The following LACTB variants were observed in gnomAD, a reference collection of about 807,000 sequenced individuals.
LACTB encodes lactamase beta, also known as serine beta-lactamase-like protein LACTB, mitochondrial.
A neutral mutation model predicts 50.2 loss-of-function variants in LACTB; 35 were observed. The ratio of observed to expected loss-of-function variants is 0.70; its 90% CI spans 0.53 to 0.92. The LOEUF (loss-of-function observed/expected upper bound fraction) is 0.92. Ranked by LOEUF, LACTB falls within the 40% of genes least tolerant of loss-of-function variation. LACTB has a pLI of 0.00. For synonymous variants in LACTB, 252 were observed against 268.2 expected (o/e 0.94, Z 0.59); for missense variants, 664 against 691.8 (o/e 0.96, Z 0.45).
At chr15:63,140,900 A>T in intron 5 of LACTB, 1 of 549,942 alleles carries the variant, frequency 1.8e-6, no homozygotes, top group Non-Finnish European at 2.3e-6. Context: ...GCACGATGCA[A>T]CATTAACCCC....
intron 5 of LACTB, 119 bp downstream of exon 5, chr15:63,129,769 T>G (rs2037105465): frequency 1.5e-6 from 2 of 1,307,812 alleles, no homozygotes; most frequent in South Asian, 2.4e-5. Flanking sequence ...TTGGGAGCTT[T>G]TCTACATGTC....
intron 4 of LACTB, among the ~76,000 whole-genome samples, chr15:63,128,923 A>G (rs994225908): frequency 2.2e-4 from 34 of 151,974 alleles, no homozygotes; most frequent in African/African-American, 8.2e-4. Context: ...TTTGTATTTT[A>G]GTAGAGACAG....
intron 2 of LACTB, among the ~76,000 whole-genome samples, chr15:63,124,695 G>A (rs2037025073): frequency 6.6e-6 from 1 of 152,180 alleles, no homozygotes; most frequent in African/African-American, 2.4e-5. Flanking sequence ...GCTCACGCCT[G>A]TAATCCTAGC....
chr15:63,122,335 C>T (rs577706127), intron 1 of LACTB, 107 bp downstream of exon 1: 67 of 977,976 alleles, frequency 6.9e-5, no homozygotes, highest in Non-Finnish European at 9.2e-5. Context: ...TGCCCGCGAT[C>T]GGCTTCCGAG....
rs1324631782 is a variant in LACTB at position 63,122,149 on chromosome 15, C to T, written c.278C>T (p.Pro93Leu). 1.3e-6 allele frequency: 2 copies of T among 1,511,502 alleles called. No individual in the cohort carries two copies. The highest frequency in any genetic ancestry group is 1.2e-5 in the South Asian group (1 of 82,442). 93.6% of individuals were successfully genotyped at this position (1,511,502 alleles called of 1,614,324 possible). A position where few individuals can be genotyped will look rare whatever the true frequency, so the allele number is the denominator to read the frequency against. The change falls in exon 1 of 6, where the codon CCG becomes CTG. Residue 93 changes from proline to leucine, a missense_variant. Coordinates refer to ENST00000261893, the MANE Select transcript of LACTB (RefSeq NM_032857.5). ...PQEQSLAPWS[P>L]QTPAPPCSRC... ...GAGCAGTCCCTCGCCCCGTGGTCTC[C>T]GCAGACCCCGGCGCCGCCCTGCTCC...
At chr15:63,141,145 G>A (rs2037224385) in intron 5 of LACTB, 135 bp from the exon 6 acceptor site, 15 of 1,431,900 alleles carry the variant, frequency 1.0e-5, no homozygotes, top group Non-Finnish European at 1.3e-5. Flanking sequence ...GAAAATTAGT[G>A]GTTAGTTTAT....
At chr15:63,135,757 T>TA (rs1224395272) in intron 5 of LACTB, among the ~76,000 whole-genome samples, 2 of 152,116 alleles carry the variant, frequency 1.3e-5, no homozygotes, top group Non-Finnish European at 2.9e-5. Flanking sequence ...CAGTTGAATC[T>TA]AAAAAAAGAT....
At position 63,130,483 on chromosome 15, in the gene LACTB, G is replaced by A. The variant is rs139120249; in HGVS notation, c.1118+833G>A. 6.1e-3 allele frequency: 914 copies of A among 150,606 alleles called. 9 individuals are homozygous for A. Among genetic ancestry groups the A allele is most frequent in the African/African-American group, 0.021 (840 of 40,922 alleles). The allele number at this position is 150,606 out of a possible 1,614,324, so 9.3% of individuals were successfully genotyped here. ...AGATCGTGCCCCTGCACTTCAGGCTGGGCGAAAGAGTGAGACTCCATGTCA... is the reference window on the plus strand; with the variant it reads ...AGATCGTGCCCCTGCACTTCAGGCTAGGCGAAAGAGTGAGACTCCATGTCA... On this transcript the variant is annotated intron_variant, in intron 5 of 5. Transcript: ENST00000261893.
chr15:63,126,786 T>G, intron 2 of LACTB, 73 bp from the exon 3 acceptor site: 1 of 862,130 alleles, frequency 1.2e-6, no homozygotes, highest in South Asian at 2.5e-5. Context: ...AAAGATAGTA[T>G]TATTTCAGGG....
At chr15:63,122,367 C>A (rs961584123) in intron 1 of LACTB, 139 bp downstream of exon 1, 29 of 809,118 alleles carry the variant, frequency 3.6e-5, no homozygotes, top group Non-Finnish European at 5.3e-5. Context: ...ATTTCCCCAC[C>A]GCCGAGCCGT....
rs545066254 is a variant in LACTB, at chr15:63,129,427, T to A, written c.953-58T>A. ...ATTTTCAGTGGGAATATATTTTATA[T>A]GTTTTTGAATAATAATCAAGTATTT... is the stretch of plus-strand genomic sequence containing the variant. On this transcript the variant is annotated intron_variant, in intron 4 of 5. Coordinates refer to ENST00000261893, the MANE Select transcript of LACTB (RefSeq NM_032857.5). 1.8e-4 allele frequency: 255 copies of A among 1,402,456 alleles called. 1 individual carries two copies. The highest frequency in any genetic ancestry group is 1.0e-3 in the Admixed American group (40 of 39,954). 86.9% of individuals were successfully genotyped at this position (1,402,456 alleles called of 1,614,324 possible). A position where few individuals can be genotyped will look rare whatever the true frequency, so the allele number is the denominator to read the frequency against.
At chr15:63,122,479 G>A in intron 1 of LACTB, 157 bp from the exon 2 acceptor site, 1 of 750,286 alleles carries the variant, frequency 1.3e-6, no homozygotes, top group Admixed American at 2.1e-5. Context: ...ATCCCTTGCT[G>A]TTAGTGAGTG....
Position 63,122,055 on chromosome 15 carries a change from G to C in LACTB, c.184G>C (p.Gly62Arg), listed in dbSNP as rs2036978475. The C allele has an allele frequency of 3.5e-6, 5 of 1,428,640 alleles. No homozygotes were observed. In the East Asian group the frequency reaches 1.2e-4, roughly 35 times the overall value. The allele number at this position is 1,428,640 out of a possible 1,614,324, so 88.5% of individuals were successfully genotyped here. ...LGVKLAGGLR[G>R]AAPAQSPAAP... The stretch of plus-strand genomic sequence containing the variant: ...GGTGAAGCTGGCAGGTGGGCTGAGG[G>C]GCGCGGCCCCGGCGCAGTCCCCCGC... Residue 62 changes from glycine (G) to arginine (R), a missense_variant, in exon 1 of 6, where the codon GGC (glycine) becomes CGC (arginine). Gly to Arg is a moderately radical substitution (Grantham distance 125). Transcript: ENST00000261893.
At chr15:63,138,904 G>C (rs539284472) in intron 5 of LACTB, among the ~76,000 whole-genome samples, 417 of 151,370 alleles carry the variant, frequency 2.8e-3, no homozygotes, top group Non-Finnish European at 3.7e-3. Flanking sequence ...TATATTAGCT[G>C]TGCGTGGTGG....
chr15:63,124,130 C>T (rs982672532), intron 2 of LACTB, among the ~76,000 whole-genome samples: 1 of 152,228 alleles, frequency 6.6e-6, no homozygotes, highest in Non-Finnish European at 1.5e-5. Flanking sequence ...CCAAGGAGTC[C>T]TTCTGGTGGC....
At chr15:63,134,631 T>G (rs2037159648) in intron 5 of LACTB, among the ~76,000 whole-genome samples, 1 of 152,248 alleles carries the variant, frequency 6.6e-6, no homozygotes, top group Non-Finnish European at 1.5e-5. Flanking sequence ...CTTAGCTGTA[T>G]GGTCACACTT....
chr15:63,122,754 T>C (rs1289954948), intron 2 of LACTB, 52 bp downstream of exon 2: 3 of 1,268,960 alleles, frequency 2.4e-6, no homozygotes, highest in South Asian at 2.4e-5. Flanking sequence ...AAATAAAATA[T>C]TGTTTTACTG....
At chr15:63,131,684 C>T (rs931223515) in intron 5 of LACTB, among the ~76,000 whole-genome samples, 2 of 152,154 alleles carry the variant, frequency 1.3e-5, no homozygotes, top group Non-Finnish European at 2.9e-5. Context: ...GTGGTTCACA[C>T]CTGTAATCCC....
intron 5 of LACTB, among the ~76,000 whole-genome samples, chr15:63,139,242 T>G (rs1303656135): frequency 6.7e-6 from 1 of 149,790 alleles, no homozygotes; most frequent in Non-Finnish European, 1.5e-5. Flanking sequence ...GGTGCATGCC[T>G]GTAATCCCAG....
Sources: allele counts gnomAD v4.1 joint callset (sites outside exome capture counted in the v4.1 genomes callset), GRCh38; gene constraint gnomAD v4.1.1; transcripts MANE v1.5; gene names NCBI Gene and HGNC (gene_info 2026-07-23, HGNC 2026-07-21).